Variants in BMAL1 observed in about 807,000 individuals in gnomAD.
The protein encoded by BMAL1 is basic helix-loop-helix ARNT-like protein 1.
the BMAL1 span, among the ~76,000 whole-genome samples, chr11:13,324,575 G>C: frequency 6.6e-6 from 1 of 152,076 alleles, no homozygotes; most frequent in African/African-American, 2.4e-5. Flanking sequence ...ACCTCGCTTT[G>C]GTTTCTCTCA....
At chr11:13,355,143 C>A in the BMAL1 span, 3 of 1,261,860 alleles carry the variant, frequency 2.4e-6, no homozygotes, top group South Asian at 1.4e-5. Context: ...CCCAAATGTC[C>A]ATTTAAGAGG....
chr11:13,306,662 G>C, the BMAL1 span, among the ~76,000 whole-genome samples: 1 of 152,194 alleles, frequency 6.6e-6, no homozygotes, highest in Non-Finnish European at 1.5e-5. Flanking sequence ...TGTGCATTCT[G>C]GGCAGAGGAA....
chr11:13,354,456 C>G, the BMAL1 span: 2 of 1,612,894 alleles, frequency 1.2e-6, no homozygotes, highest in Non-Finnish European at 1.7e-6. Context: ...CCAGTAAGGC[C>G]TTTGGGGCAT....
the BMAL1 span, among the ~76,000 whole-genome samples, chr11:13,288,424 CTT>C: frequency 4.4e-5 from 5 of 113,734 alleles, no homozygotes; most frequent in East Asian, 2.4e-4. Flanking sequence ...CTTTTTTTTT[CTT>C]TTTTTTTTTT....
chr11:13,290,070 C>G, the BMAL1 span, among the ~76,000 whole-genome samples: 3 of 152,206 alleles, frequency 2.0e-5, no homozygotes, highest in African/African-American at 7.2e-5. Flanking sequence ...TTAATGATCA[C>G]CATTCTAACT....
At chr11:13,303,508 TAACA>T in the BMAL1 span, among the ~76,000 whole-genome samples, 3 of 152,138 alleles carry the variant, frequency 2.0e-5, no homozygotes, top group Non-Finnish European at 4.4e-5. Flanking sequence ...ATTGTTAGGT[TAACA>T]AACAAACCCC....
At chr11:13,317,002 A>G in the BMAL1 span, among the ~76,000 whole-genome samples, 2 of 152,178 alleles carry the variant, frequency 1.3e-5, no homozygotes, top group Non-Finnish European at 2.9e-5. Flanking sequence ...CCATTTTCTC[A>G]TCTGTAAAAT....
At chr11:13,335,863 G>A in the BMAL1 span, among the ~76,000 whole-genome samples, 1 of 151,958 alleles carries the variant, frequency 6.6e-6, no homozygotes, top group Non-Finnish European at 1.5e-5. Flanking sequence ...TTTCTTCTTT[G>A]TATTACAGTT....
chr11:13,314,229 C>CCACACACACACACACACACACACACACA, the BMAL1 span, among the ~76,000 whole-genome samples: 8 of 138,746 alleles, frequency 5.8e-5, no homozygotes, highest in Non-Finnish European at 9.3e-5. Context: ...AGGGTGGAGA[C>CCACACACACACACACACACACACACACA]CACACACACA....
At chr11:13,358,620 T>A in the BMAL1 span, 4 of 1,533,104 alleles carry the variant, frequency 2.6e-6, no homozygotes, top group Non-Finnish European at 3.5e-6. Context: ...TTGTCCTTTA[T>A]GTCCTTGCCC....
the BMAL1 span, among the ~76,000 whole-genome samples, chr11:13,376,250 C>T: frequency 6.6e-6 from 1 of 152,206 alleles, no homozygotes; most frequent in African/African-American, 2.4e-5. Flanking sequence ...GAAGGAGCCT[C>T]TCTTTGGCCA....
the BMAL1 span, among the ~76,000 whole-genome samples, chr11:13,291,787 G>A: frequency 0.011 from 440 of 40,614 alleles, 2 homozygotes; most frequent in Middle Eastern, 0.037. Context: ...TGGTTGTTGT[G>A]TTAGGTTTAA....
the BMAL1 span, among the ~76,000 whole-genome samples, chr11:13,367,172 C>CA: frequency 6.6e-6 from 1 of 152,170 alleles, no homozygotes; most frequent in Non-Finnish European, 1.5e-5. Context: ...CAGGCAGCCT[C>CA]ATAAAAGTAA....
chr11:13,313,110 CT>C, the BMAL1 span, among the ~76,000 whole-genome samples: 1 of 152,336 alleles, frequency 6.6e-6, no homozygotes, highest in African/African-American at 2.4e-5. Flanking sequence ...TTTTACTTGG[CT>C]GCCATTGCCA....
chr11:13,318,040 G>A, the BMAL1 span, among the ~76,000 whole-genome samples: 3 of 152,242 alleles, frequency 2.0e-5, no homozygotes, highest in Non-Finnish European at 2.9e-5. Context: ...GCCTGGGCCC[G>A]TCTTCCTTGT....
chr11:13,340,092 A>G, the BMAL1 span, among the ~76,000 whole-genome samples: 8 of 152,216 alleles, frequency 5.3e-5, no homozygotes, highest in South Asian at 2.1e-4. Flanking sequence ...CAAATTACCA[A>G]TTCTTTCACT....
chr11:13,376,905 C>A, the BMAL1 span: 2 of 601,468 alleles, frequency 3.3e-6, no homozygotes, highest in Non-Finnish European at 5.7e-6. Flanking sequence ...ATGTCACTTT[C>A]TCTGTTGAGC....
the BMAL1 span, chr11:13,379,898 C>G: frequency 2.0e-5 from 3 of 152,148 alleles, no homozygotes; most frequent in African/African-American, 7.2e-5. Flanking sequence ...CTGTAAGACC[C>G]CATTTGTTGT....
the BMAL1 span, among the ~76,000 whole-genome samples, chr11:13,310,635 A>G: frequency 6.6e-6 from 1 of 152,210 alleles, no homozygotes; most frequent in Non-Finnish European, 1.5e-5. Flanking sequence ...GCAAGCAGCC[A>G]TAGATAATAT....
Sources: allele counts gnomAD v4.1 joint callset (sites outside exome capture counted in the v4.1 genomes callset), GRCh38; gene constraint gnomAD v4.1.1; transcripts MANE v1.5; gene names NCBI Gene and HGNC (gene_info 2026-07-23, HGNC 2026-07-21).